The following P3H2 variants were observed in gnomAD, a reference collection of about 807,000 sequenced individuals.
P3H2 encodes leprecan-like 1.
P3H2 carries 80 observed loss-of-function variants against 87.0 expected under a neutral mutation model. That is an observed-to-expected ratio of 0.92 (90% CI 0.77 to 1.11). The LOEUF (loss-of-function observed/expected upper bound fraction) is 1.11, where lower values mean the gene tolerates loss of function less well. Ranked by LOEUF, P3H2 falls within the 50% of genes least tolerant of loss-of-function variation. The probability of loss-of-function intolerance (pLI) is 0.00; values close to 1 mark genes in which losing one functional copy is unlikely to be tolerated. For missense variants in P3H2, 1,001 were observed against 923.9 expected, an observed-to-expected ratio of 1.08 and a Z score of -1.08; for synonymous variants, 367 against 359.3, an observed-to-expected ratio of 1.02 and a Z score of -0.24.
chr3:190,011,247 T>G (rs1309640338), intron 1 of P3H2, among the ~76,000 whole-genome samples: 3 of 145,320 alleles, frequency 2.1e-5, no homozygotes, highest in African/African-American at 5.1e-5. Context: ...CACTGCAGCC[T>G]GGCAACAGAG....
chr3:190,118,618 T>C (rs772017509), intron 1 of P3H2, among the ~76,000 whole-genome samples: 2 of 151,958 alleles, frequency 1.3e-5, no homozygotes, highest in Non-Finnish European at 2.9e-5. Flanking sequence ...ACTAGTCCAG[T>C]GAACTCCAAC....
chr3:190,121,376 A>G, upstream of P3H2, among the ~76,000 whole-genome samples: 1 of 152,200 alleles, frequency 6.6e-6, no homozygotes, highest in East Asian at 1.9e-4. Flanking sequence ...TAAATAGAAA[A>G]AAAACCCATA....
intron 1 of P3H2, among the ~76,000 whole-genome samples, chr3:190,100,725 TATC>T (rs148018178): frequency 0.025 from 3,878 of 152,250 alleles, 172 homozygotes; most frequent in African/African-American, 0.087. Flanking sequence ...ATGAAGTTGG[TATC>T]ATCATGAAAG....
chr3:190,058,330 T>C (rs2108965268), intron 1 of P3H2, among the ~76,000 whole-genome samples: 1 of 152,220 alleles, frequency 6.6e-6, no homozygotes, highest in South Asian at 2.1e-4. Flanking sequence ...ATTCACCTCA[T>C]AGTGAAGATA....
At chr3:190,066,158 T>TATATATATATATACACACACACACACAC (rs1256956930) in intron 1 of P3H2, among the ~76,000 whole-genome samples, 3 of 134,618 alleles carry the variant, frequency 2.2e-5, no homozygotes, top group African/African-American at 9.3e-5. Flanking sequence ...TATATATATA[T>TATATATATATATACACACACACACACAC]ACACACACAC....
rs192232248 is a variant in P3H2, at chr3:190,013,567, G to A, written c.481-18125C>T. 7.2e-5 allele frequency among the ~76,000 whole-genome samples: 11 copies of A among 152,322 alleles called. No individual in the cohort carries two copies. The East Asian group carries it at 2.1e-3, about 29-fold the overall frequency. On this transcript the variant is annotated intron_variant, in intron 1 of 14. Coordinates refer to ENST00000319332, the MANE Select transcript of P3H2 (RefSeq NM_018192.4). The stretch of plus-strand genomic sequence containing the variant: ...CTTCCTGCCACATAGGACAGGGCAA[G>A]GGTGAGACATGTAAGAAGAGAAAAA...
chr3:189,957,286 G>T lies in P3H2; in HGVS notation c.*626C>A. ...CTTTGGAGAGTCGGAGCTCATGGCC[G>T]TTAGCACCTAAGGATGTGGCTGAAA... On this transcript the variant is annotated 3_prime_UTR_variant, in exon 15 of 15. Transcript: ENST00000319332. 2.5e-6 allele frequency: 1 copy of T among 399,630 alleles called. No individual in the cohort carries two copies. The highest frequency in any genetic ancestry group is 4.4e-6 in the Non-Finnish European group (1 of 227,056). The allele number at this position is 399,630 out of a possible 1,614,324, so 24.8% of individuals were successfully genotyped here.
chr3:190,092,786 A>G (rs1727448602), intron 1 of P3H2, among the ~76,000 whole-genome samples: 1 of 151,404 alleles, frequency 6.6e-6, no homozygotes, highest in African/African-American at 2.5e-5. Context: ...GAGGAAAAGA[A>G]GGGGCAAAGG....
chr3:190,089,868 C>CAT (rs1727352997), intron 1 of P3H2, among the ~76,000 whole-genome samples: 1 of 152,186 alleles, frequency 6.6e-6, no homozygotes, highest in East Asian at 1.9e-4. Context: ...TTTTTGATCC[C>CAT]ATATTTAGCT....
chr3:190,114,007 G>A (rs1712176788), intron 1 of P3H2, among the ~76,000 whole-genome samples: 1 of 142,672 alleles, frequency 7.0e-6, no homozygotes, highest in Non-Finnish European at 1.5e-5. Context: ...GTGAACCCGG[G>A]AGGCGGAGCT....
chr3:189,959,218 C>T (rs863923), intron 14 of P3H2, among the ~76,000 whole-genome samples: 44,162 of 97,122 alleles, frequency 0.45, 6,616 homozygotes, highest in African/African-American at 0.53. Flanking sequence ...AGTTGCTTTA[C>T]ACCTGTCTCT....
chr3:189,994,879 G>A (rs1454918173), intron 2 of P3H2, among the ~76,000 whole-genome samples: 2 of 152,010 alleles, frequency 1.3e-5, no homozygotes, highest in East Asian at 1.9e-4. Context: ...ACTGGACTGG[G>A]AGCTGGAAAA....
intron 3 of P3H2, among the ~76,000 whole-genome samples, chr3:189,992,640 C>A (rs1205361661): frequency 6.6e-6 from 1 of 152,142 alleles, no homozygotes; most frequent in East Asian, 1.9e-4. Flanking sequence ...AATATGAGTT[C>A]CAGCTTCACT....
intron 1 of P3H2, among the ~76,000 whole-genome samples, chr3:190,034,742 G>A (rs1177661633): frequency 1.3e-5 from 2 of 152,040 alleles, no homozygotes; most frequent in African/African-American, 2.4e-5. Context: ...GATGGGAATC[G>A]ATCTATACAT....
intron 13 of P3H2, among the ~76,000 whole-genome samples, chr3:189,970,360 C>T (rs892446736): frequency 1.3e-5 from 2 of 148,192 alleles, no homozygotes; most frequent in African/African-American, 5.0e-5. Flanking sequence ...CACATACATA[C>T]ACACATATAT....
intron 13 of P3H2, among the ~76,000 whole-genome samples, chr3:189,968,851 A>G (rs1162026147): frequency 6.6e-6 from 1 of 152,096 alleles, no homozygotes; most frequent in East Asian, 1.9e-4. Context: ...ACCAGTGATG[A>G]TGAGCTTTTT....
At chr3:190,029,548 A>T (rs1725188829) in intron 1 of P3H2, among the ~76,000 whole-genome samples, 1 of 151,998 alleles carries the variant, frequency 6.6e-6, no homozygotes, top group South Asian at 2.1e-4. Flanking sequence ...CACTTGATAT[A>T]ATTTCTGACT....
At chr3:190,011,711 C>A (rs1291005457) in intron 1 of P3H2, among the ~76,000 whole-genome samples, 1 of 152,030 alleles carries the variant, frequency 6.6e-6, no homozygotes, top group Non-Finnish European at 1.5e-5. Flanking sequence ...AAATTAAAAG[C>A]AAAATTTCTA....
intron 13 of P3H2, among the ~76,000 whole-genome samples, chr3:189,966,459 G>T (rs895995475): frequency 2.0e-5 from 3 of 152,204 alleles, no homozygotes; most frequent in Admixed American, 6.5e-5. Context: ...GAGGCGGTTG[G>T]AACTGATTAT....
Sources: gnomAD v4.1 joint callset for allele counts (sites outside exome capture counted in the v4.1 genomes callset) on GRCh38, gnomAD v4.1.1 for gene constraint, MANE v1.5 for transcripts, NCBI Gene and HGNC (gene_info 2026-07-23, HGNC 2026-07-21) for gene names.